ATP5MF: variants seen among roughly 807,000 people sequenced by gnomAD.
ATP5MF encodes the protein ATP synthase F(0) complex subunit f, mitochondrial.
Under a neutral mutation model 13.8 loss-of-function variants are expected in ATP5MF, and 10 were observed. That is an observed-to-expected ratio of 0.72 (90% CI 0.45 to 1.23). The LOEUF (loss-of-function observed/expected upper bound fraction) is 1.23. ATP5MF is among the 50% of genes most tolerant of loss of function. ATP5MF has a pLI of 0.00. For missense variants in ATP5MF, 122 were observed against 118.2 expected, an observed-to-expected ratio of 1.03 and a Z score of -0.15; for synonymous variants, 40 against 45.8, an observed-to-expected ratio of 0.87 and a Z score of 0.51.
intron 1 of ATP5MF, among the ~76,000 whole-genome samples, chr7:99,463,173 G>T (rs1431743775): frequency 6.6e-6 from 1 of 152,214 alleles, no homozygotes; most frequent in Non-Finnish European, 1.5e-5. Flanking sequence ...CTCAGTAATG[G>T]TTGTAGAACC....
chr7:99,464,821 G>A (rs1051309118), intron 1 of ATP5MF, among the ~76,000 whole-genome samples: 3 of 151,804 alleles, frequency 2.0e-5, no homozygotes, highest in Admixed American at 1.3e-4. Context: ...AAAATTAGCC[G>A]GGCGTAGGTA....
intron 3 of ATP5MF, 87 bp from the exon 4 acceptor site, chr7:99,458,442 A>C: frequency 7.3e-7 from 1 of 1,366,156 alleles, no homozygotes. Flanking sequence ...GATCACACAA[A>C]GCCTTCCTGA....
At chr7:99,458,489 G>C in intron 3 of ATP5MF, 134 bp from the exon 4 acceptor site, 1 of 891,730 alleles carries the variant, frequency 1.1e-6, no homozygotes, top group Non-Finnish European at 1.7e-6. Context: ...CCCGCCTGCC[G>C]GTGTCTCTGC....
Position 99,459,347 on chromosome 7 carries a change from CA to C in ATP5MF, c.140-85del. 3.0e-6 allele frequency: 3 copies of C among 1,005,572 alleles called. No homozygotes were observed. The South Asian group carries it at 3.9e-5, about 13-fold the overall frequency. The allele number at this position is 1,005,572 out of a possible 1,614,324, so 62.3% of individuals were successfully genotyped here. ...CACACAGTTGAGTCTGGCTGACATTCAGGGACCTAGTCCTGCTCTGGCTGTT... is the reference window on the plus strand; with the variant it reads ...CACACAGTTGAGTCTGGCTGACATTCGGGACCTAGTCCTGCTCTGGCTGTT... On this transcript the variant is annotated intron_variant, in intron 2 of 3. Transcript: ENST00000292475.
chr7:99,459,311 G>A, intron 2 of ATP5MF, 48 bp from the exon 3 acceptor site: 1 of 1,391,232 alleles, frequency 7.2e-7, no homozygotes, highest in Non-Finnish European at 1.0e-6. Flanking sequence ...TCACATTTGA[G>A]TGAAGTTGAG....
At position 99,462,288 on chromosome 7, in the gene ATP5MF, TAAAAAAAAA is replaced by T. The variant is rs755455949; in HGVS notation, c.32-2104_32-2096del. The stretch of plus-strand genomic sequence containing the variant: ...TAACATGGTGAAACCCCATCACTAC[TAAAAAAAAA>T]AAAAAAAAAAAAAAAAAAAAATTAG... On this transcript the variant is annotated intron_variant, in intron 1 of 3. Coordinates refer to ENST00000292475, the MANE Select transcript of ATP5MF (RefSeq NM_004889.5). 2.5e-3 allele frequency among the ~76,000 whole-genome samples: 78 copies of T among 30,898 alleles called. 1 individual carries two copies. The highest frequency in any genetic ancestry group is 4.3e-3 in the Admixed American group (9 of 2,074). 20.3% of individuals were successfully genotyped at this position (30,898 alleles called of 152,430 possible). A position where few individuals can be genotyped will look rare whatever the true frequency, so the allele number is the denominator to read the frequency against.
chr7:99,460,040 G>C (rs1362423815), intron 2 of ATP5MF, 46 bp downstream of exon 2: 1 of 1,561,596 alleles, frequency 6.4e-7, no homozygotes, highest in South Asian at 1.2e-5. Context: ...GAGATCTGAA[G>C]ACCCAGAGAT....
chr7:99,466,167 C>G lies in ATP5MF; in HGVS notation c.-26G>C, dbSNP rs768937509. On this transcript the variant is annotated 5_prime_UTR_variant, in exon 1 of 4. Coordinates refer to ENST00000292475, the MANE Select transcript of ATP5MF (RefSeq NM_004889.5). ...TTTGGAGTCCTGGTGTCCGCTGTGC[C>G]GGACCGCGCGAGGGCTGCTGGGTAG... is the stretch of plus-strand genomic sequence containing the variant. 2 of 1,614,128 alleles carry G rather than the reference C, an allele frequency of 1.2e-6. No homozygotes were observed. Among genetic ancestry groups the G allele is most frequent in the East Asian group, 4.5e-5 (2 of 44,884 alleles).
rs765804602 is a variant in ATP5MF at position 99,460,130 on chromosome 7, A to G, written c.95T>C (p.Met32Thr). The change falls in exon 2 of 4, where the codon ATG (methionine) becomes ACG (threonine). Residue 32 changes from methionine (M) to threonine (T), a missense_variant. Coordinates refer to ENST00000292475, the MANE Select transcript of ATP5MF (RefSeq NM_004889.5). Reference protein sequence around the residue: ...KLGELPSWILMRDFSPSGIFG... With the variant: ...KLGELPSWILTRDFSPSGIFG... Reference sequence around the variant, plus strand: ...AATGCCACTAGGACTGAAGTCCCGCATCAAGATCCAGCTTGGCAGCTCCCC... The same window carrying G: ...AATGCCACTAGGACTGAAGTCCCGCGTCAAGATCCAGCTTGGCAGCTCCCC... The G allele has an allele frequency of 2.4e-5, 39 of 1,614,082 alleles. No individual in the cohort carries two copies. Among genetic ancestry groups the G allele is most frequent in the Non-Finnish European group, 3.2e-5 (38 of 1,180,020 alleles).
intron 2 of ATP5MF, 47 bp from the exon 3 acceptor site, chr7:99,459,310 A>C: frequency 5.8e-6 from 8 of 1,381,954 alleles, no homozygotes; most frequent in Non-Finnish European, 8.3e-6. Flanking sequence ...TTCACATTTG[A>C]GTGAAGTTGA....
intron 1 of ATP5MF, among the ~76,000 whole-genome samples, chr7:99,464,763 C>A (rs1798776881): frequency 6.6e-6 from 1 of 151,890 alleles, no homozygotes; most frequent in South Asian, 2.1e-4. Flanking sequence ...GAGTTTGAGA[C>A]CAGCCTGGTC....
chr7:99,459,918 C>T, intron 2 of ATP5MF, 168 bp downstream of exon 2: 1 of 720,432 alleles, frequency 1.4e-6, no homozygotes, highest in Non-Finnish European at 2.3e-6. Context: ...TTTGAAAGGG[C>T]CAATCAACCA....
Position 99,466,155 on chromosome 7 carries a change from T to G in ATP5MF, c.-14A>C. 1.9e-6 allele frequency: 3 copies of G among 1,614,172 alleles called. No homozygotes were observed. Among genetic ancestry groups the G allele is most frequent in the Non-Finnish European group, 2.5e-6 (3 of 1,180,014 alleles). On this transcript the variant is annotated 5_prime_UTR_variant, in exon 1 of 4. Transcript: ENST00000292475. Reference sequence around the variant, plus strand: ...AACTGACGCCATTTTGGAGTCCTGGTGTCCGCTGTGCCGGACCGCGCGAGG... The same window carrying G: ...AACTGACGCCATTTTGGAGTCCTGGGGTCCGCTGTGCCGGACCGCGCGAGG...
At chr7:99,463,193 C>T (rs751563951) in intron 1 of ATP5MF, among the ~76,000 whole-genome samples, 2 of 152,166 alleles carry the variant, frequency 1.3e-5, no homozygotes, top group Non-Finnish European at 2.9e-5. Context: ...CACAGATCCT[C>T]GAGAGGAAAC....
rs1364586378 is a variant in ATP5MF, at chr7:99,458,342, G to A, written c.270C>T (p.Leu90=). The A allele has an allele frequency of 1.2e-6, 2 of 1,609,172 alleles. No individual in the cohort carries two copies. Among genetic ancestry groups the A allele is most frequent in the Non-Finnish European group, 1.7e-6 (2 of 1,178,500 alleles). The change falls in exon 4 of 4, where the codon CTC becomes CTT. Residue 90 remains leucine, a synonymous_variant. Coordinates refer to ENST00000292475, the MANE Select transcript of ATP5MF (RefSeq NM_004889.5). ...FSYKHLKHER[L]RKYH is the part of the protein sequence containing the mutation. The stretch of plus-strand genomic sequence containing the variant: ...TGTGTCCTCTTCAGTGGTATTTGCG[G>A]AGCCGCTCGTGCTCTGAAGTCAGGA...
chr7:99,460,029 A>G (rs1377527503), intron 2 of ATP5MF, 57 bp downstream of exon 2: 2 of 1,547,106 alleles, frequency 1.3e-6, no homozygotes, highest in African/African-American at 2.8e-5. Flanking sequence ...ATGGCAAAAA[A>G]GAGATCTGAA....
At chr7:99,464,650 G>A (rs1264258468) in intron 1 of ATP5MF, among the ~76,000 whole-genome samples, 5 of 151,526 alleles carry the variant, frequency 3.3e-5, no homozygotes, top group South Asian at 2.1e-4. Flanking sequence ...GCGACAGAGC[G>A]AGACTCCATC....
intron 1 of ATP5MF, among the ~76,000 whole-genome samples, chr7:99,463,057 T>C (rs117097361): frequency 6.6e-6 from 1 of 152,372 alleles, no homozygotes; most frequent in Non-Finnish European, 1.5e-5. Context: ...TCCTTGGTAC[T>C]TGGCCCTAGG....
intron 2 of ATP5MF, 89 bp downstream of exon 2, chr7:99,459,997 C>G: frequency 1.4e-6 from 2 of 1,416,536 alleles, no homozygotes; most frequent in Non-Finnish European, 1.9e-6. Flanking sequence ...GACAACAAGG[C>G]CTTCATTGCC....
Sources: allele counts gnomAD v4.1 joint callset (sites outside exome capture counted in the v4.1 genomes callset), GRCh38; gene constraint gnomAD v4.1.1; transcripts MANE v1.5; gene names NCBI Gene and HGNC (gene_info 2026-07-23, HGNC 2026-07-21).